MRPS35: variants seen among roughly 807,000 people sequenced by gnomAD.
MRPS35 encodes small ribosomal subunit protein mS35.
A neutral mutation model predicts 32.7 loss-of-function variants in MRPS35; 29 were observed. The ratio of observed to expected loss-of-function variants is 0.89; its 90% CI spans 0.66 to 1.21. The LOEUF (loss-of-function observed/expected upper bound fraction) is 1.21, where lower values mean the gene tolerates loss of function less well. MRPS35 is among the 50% of genes most tolerant of loss of function. The probability of loss-of-function intolerance (pLI) is 0.00; values close to 1 mark genes in which losing one functional copy is unlikely to be tolerated. For missense variants in MRPS35, 373 were observed against 383.8 expected (o/e 0.97, Z 0.23); for synonymous variants, 148 against 139.3 (o/e 1.06, Z -0.44).
At chr12:27,741,918 C>G (rs560570333) in intron 7 of MRPS35, among the ~76,000 whole-genome samples, 1 of 152,186 alleles carries the variant, frequency 6.6e-6, no homozygotes, top group African/African-American at 2.4e-5. Flanking sequence ...GTTTTATTGT[C>G]AGAACTATGT....
At chr12:27,730,455 G>T (rs1197487859) in intron 5 of MRPS35, among the ~76,000 whole-genome samples, 2 of 152,094 alleles carry the variant, frequency 1.3e-5, no homozygotes, top group Non-Finnish European at 2.9e-5. Flanking sequence ...GATTTGTTTT[G>T]TTTGTTTTTT....
At chr12:27,717,343 G>A (rs1360622161) in intron 3 of MRPS35, among the ~76,000 whole-genome samples, 1 of 152,108 alleles carries the variant, frequency 6.6e-6, no homozygotes, top group Non-Finnish European at 1.5e-5. Flanking sequence ...TATTATTATA[G>A]TCTACCAAAT....
chr12:27,736,340 G>C (rs148376524), intron 6 of MRPS35, among the ~76,000 whole-genome samples: 5 of 152,204 alleles, frequency 3.3e-5, no homozygotes, highest in Non-Finnish European at 7.4e-5. Context: ...CAGGACCATG[G>C]TTTGTGATTA....
At chr12:27,721,544 G>A (rs1246333586) in intron 4 of MRPS35, among the ~76,000 whole-genome samples, 3 of 151,986 alleles carry the variant, frequency 2.0e-5, no homozygotes, top group Non-Finnish European at 2.9e-5. Flanking sequence ...CTGTAGTCCC[G>A]GCTACTCGGG....
intron 2 of MRPS35, among the ~76,000 whole-genome samples, chr12:27,715,775 T>C (rs896073749): frequency 3.3e-5 from 5 of 152,220 alleles, no homozygotes; most frequent in South Asian, 2.1e-4. Flanking sequence ...TAAAAATAAA[T>C]GTTAATGTGA....
At chr12:27,718,286 G>C (rs926813750) in intron 3 of MRPS35, among the ~76,000 whole-genome samples, 4 of 152,188 alleles carry the variant, frequency 2.6e-5, no homozygotes, top group African/African-American at 4.8e-5. Context: ...AATTAGCCAA[G>C]TGTAGTGGCG....
rs200563140 is a variant in MRPS35, at chr12:27,755,367, G to T, written c.889G>T (p.Val297Phe). ...KEIEEYKKSVVSLKNEEENEN... is the reference protein window; with the variant it reads ...KEIEEYKKSVFSLKNEEENEN... ...AATTGAAGAGTACAAAAAGTCTGTT[G>T]TTAGTCTTAAAAATGAGGAGGAAAA... Residue 297 changes from valine (V) to phenylalanine (F), a missense_variant, in exon 8 of 8, where the codon GTT becomes TTT. Physicochemically the swap from Val to Phe is conservative, Grantham distance 50. Coordinates refer to ENST00000081029, the MANE Select transcript of MRPS35 (RefSeq NM_021821.4). The T allele has an allele frequency of 7.5e-6, 12 of 1,605,552 alleles. No homozygotes were observed. The highest frequency in any genetic ancestry group is 5.2e-5 in the Admixed American group (3 of 58,172).
chr12:27,749,051 T>C (rs1178970066), intron 7 of MRPS35, among the ~76,000 whole-genome samples: 1 of 152,194 alleles, frequency 6.6e-6, no homozygotes, highest in African/African-American at 2.4e-5. Flanking sequence ...AATGTAATCA[T>C]AGCAGGGTTT....
intron 7 of MRPS35, among the ~76,000 whole-genome samples, chr12:27,747,347 T>G (rs2061984818): frequency 5.3e-5 from 8 of 152,288 alleles, no homozygotes; most frequent in Admixed American, 5.2e-4. Context: ...ACGTGTCTGC[T>G]CACCCCATTA....
chr12:27,711,057 G>T, intron 1 of MRPS35, 102 bp downstream of exon 1: 1 of 1,035,476 alleles, frequency 9.7e-7, no homozygotes, highest in Non-Finnish European at 1.4e-6. Flanking sequence ...GCCGCCCGGG[G>T]GAGGCCAGTG....
Position 27,710,918 on chromosome 12 carries a change from C to T in MRPS35, c.75C>T (p.Ala25=), listed in dbSNP as rs555002144. Residue 25 remains alanine (A), a synonymous_variant, in exon 1 of 8, where the codon GCC becomes GCT. Transcript: ENST00000081029. ...GGACTCTGCGTGCATTCTCCACTGC[C>T]GTCTACTCGGCCACTCCGGTCCCGA... The part of the protein sequence containing the change: ...RARTLRAFST[A]VYSATPVPTP... 3.7e-6 allele frequency: 6 copies of T among 1,613,198 alleles called. No homozygotes were observed. Among genetic ancestry groups the T allele is most frequent in the East Asian group, 2.2e-5 (1 of 44,898 alleles).
intron 1 of MRPS35, among the ~76,000 whole-genome samples, chr12:27,713,341 T>C (rs566013125): frequency 1.3e-5 from 2 of 152,302 alleles, no homozygotes; most frequent in African/African-American, 4.8e-5. Flanking sequence ...TATAGACATA[T>C]GATGGGATTT....
At chr12:27,714,054 G>A (rs775070636) in intron 1 of MRPS35, among the ~76,000 whole-genome samples, 55 of 144,798 alleles carry the variant, frequency 3.8e-4, no homozygotes, top group Non-Finnish European at 4.6e-4. Flanking sequence ...CAGCCTGGGC[G>A]AGAGTGAGAT....
intron 1 of MRPS35, 114 bp downstream of exon 1, chr12:27,711,069 G>A: frequency 1.1e-6 from 1 of 908,942 alleles, no homozygotes; most frequent in Non-Finnish European, 1.7e-6. Context: ...AGGCCAGTGC[G>A]TCCGCTGCCA....
chr12:27,737,693 C>A, intron 7 of MRPS35, 85 bp downstream of exon 7: 1 of 1,073,944 alleles, frequency 9.3e-7, no homozygotes, highest in Non-Finnish European at 1.4e-6. Flanking sequence ...GGCAAGTACT[C>A]AACTGAGTAT....
intron 7 of MRPS35, among the ~76,000 whole-genome samples, chr12:27,747,677 G>C (rs2061985928): frequency 2.0e-5 from 3 of 152,164 alleles, no homozygotes; most frequent in Non-Finnish European, 2.9e-5. Context: ...TAGGCAAAGA[G>C]AGTTGTAAAT....
intron 4 of MRPS35, among the ~76,000 whole-genome samples, chr12:27,720,720 G>A (rs1350274854): frequency 6.6e-6 from 1 of 151,840 alleles, no homozygotes; most frequent in Non-Finnish European, 1.5e-5. Context: ...GTAATCACTG[G>A]AATATGATTA....
chr12:27,731,156 C>T (rs928273464), intron 5 of MRPS35, among the ~76,000 whole-genome samples: 8 of 152,170 alleles, frequency 5.3e-5, no homozygotes, highest in African/African-American at 1.9e-4. Flanking sequence ...TGTTCCTTTG[C>T]CATGCCCCTG....
intron 3 of MRPS35, among the ~76,000 whole-genome samples, chr12:27,716,993 G>GAA (rs35366140): frequency 2.7e-5 from 4 of 145,998 alleles, no homozygotes; most frequent in Admixed American, 2.1e-4. Context: ...TCTGTCTCAG[G>GAA]AAAAAAAAAA....
Sources: allele counts gnomAD v4.1 joint callset (sites outside exome capture counted in the v4.1 genomes callset), GRCh38; gene constraint gnomAD v4.1.1; transcripts MANE v1.5; gene names NCBI Gene and HGNC (gene_info 2026-07-23, HGNC 2026-07-21).